ARFGEF3: variants seen among roughly 807,000 people sequenced by gnomAD.
The protein encoded by ARFGEF3 is ARFGEF family member 3, also known as brefeldin A-inhibited guanine nucleotide-exchange protein 3.
A neutral mutation model predicts 221.7 loss-of-function variants in ARFGEF3; 96 were observed. That is an observed-to-expected ratio of 0.43 (90% confidence interval 0.37 to 0.51). The LOEUF (loss-of-function observed/expected upper bound fraction) is 0.51. Among genes scored for constraint, ARFGEF3 ranks in the 20% least tolerant of loss-of-function variants. The pLI is 0.00. For synonymous variants in ARFGEF3, 1,145 were observed against 1,126.8 expected (o/e 1.02, Z -0.32); for missense variants, 2,410 against 2,789.9 (o/e 0.86, Z 3.07).
Position 138,255,488 on chromosome 6 carries a change from A to G in ARFGEF3, c.823A>G (p.Lys275Glu). The stretch of plus-strand genomic sequence containing the variant: ...GATCTTGGGGAATCCAATTCATGAC[A>G]AAACCATCACCTCTGCTCACACCAG... ...IVILGNPIHDKTITSAHTSST... is the reference protein window; with the variant it reads ...IVILGNPIHDETITSAHTSST... The change falls in exon 10 of 34, where the codon AAA (lysine) becomes GAA (glutamate). Residue 275 changes from lysine to glutamate, a missense_variant. By Grantham distance (56) the Lys-to-Glu change is moderately conservative. Coordinates refer to ENST00000251691, the MANE Select transcript of ARFGEF3 (RefSeq NM_020340.5). 1 of 1,612,984 alleles carries G rather than the reference A, an allele frequency of 6.2e-7. No individual in the cohort carries two copies. The highest frequency in any genetic ancestry group is 8.5e-7 in the Non-Finnish European group (1 of 1,179,010).
intron 4 of ARFGEF3, among the ~76,000 whole-genome samples, chr6:138,212,864 C>T (rs137871370): frequency 2.0e-4 from 31 of 152,106 alleles, no homozygotes; most frequent in African/African-American, 7.5e-4. Context: ...CATCACACAC[C>T]AGGGCCTGTT....
chr6:138,260,612 T>C (rs988601880), intron 10 of ARFGEF3, among the ~76,000 whole-genome samples: 2 of 151,720 alleles, frequency 1.3e-5, no homozygotes, highest in Non-Finnish European at 2.9e-5. Context: ...CCAGCTTAGT[T>C]AGAAAAAAAG....
At chr6:138,208,623 A>G (rs138255244) in intron 3 of ARFGEF3, among the ~76,000 whole-genome samples, 2 of 152,324 alleles carry the variant, frequency 1.3e-5, no homozygotes, top group East Asian at 3.9e-4. Flanking sequence ...AATTGCACCA[A>G]GACAGCATGG....
At chr6:138,218,122 C>A (rs756876603) in intron 4 of ARFGEF3, 5 of 1,613,910 alleles carry the variant, frequency 3.1e-6, no homozygotes, top group Admixed American at 1.7e-5. Context: ...ATTGAGGAAC[C>A]TTTCATGGTC....
chr6:138,233,440 A>T (rs968963927), intron 5 of ARFGEF3, among the ~76,000 whole-genome samples: 1 of 152,104 alleles, frequency 6.6e-6, no homozygotes, highest in East Asian at 1.9e-4. Context: ...GCAGTGGCAC[A>T]ATCTCAGCTC....
chr6:138,275,557 A>G (rs922014197), intron 12 of ARFGEF3, among the ~76,000 whole-genome samples: 4 of 152,098 alleles, frequency 2.6e-5, no homozygotes, highest in South Asian at 2.1e-4. Flanking sequence ...CAGCCTGGCC[A>G]ACATGGTGAA....
intron 29 of ARFGEF3, 56 bp from the exon 30 acceptor site, chr6:138,323,615 A>T: frequency 1.3e-6 from 2 of 1,558,412 alleles, no homozygotes; most frequent in Non-Finnish European, 1.8e-6. Context: ...CCATCTGAAA[A>T]AAACAAACAA....
chr6:138,334,760 C>T lies in ARFGEF3; in HGVS notation c.5914C>T (p.His1972Tyr). The change falls in exon 33 of 34, where the codon CAC (histidine) becomes TAC (tyrosine). Residue 1972 changes from histidine to tyrosine, a missense_variant. Coordinates refer to ENST00000251691, the MANE Select transcript of ARFGEF3 (RefSeq NM_020340.5). This position sits in a 1 kb window ranked among gnomAD's most constrained non-coding sequence, Gnocchi z 5.1. The part of the protein sequence containing the change: ...SEDDRSQSRE[H>Y]MGESLSLKAG... ...GGATGACAGAAGCCAGTCCCGGGAG[C>T]ACATGGGCGAGTCCCTGAGCCTGAA... The T allele has an allele frequency of 1.9e-6, 3 of 1,610,690 alleles. No homozygotes were observed. Among genetic ancestry groups the T allele is most frequent in the Non-Finnish European group, 2.5e-6 (3 of 1,178,198 alleles).
chr6:138,334,616 A>T lies in ARFGEF3; in HGVS notation c.5770A>T (p.Asn1924Tyr). 6.2e-7 allele frequency: 1 copy of T among 1,613,524 alleles called. No homozygotes were observed. The highest frequency in any genetic ancestry group is 8.5e-7 in the Non-Finnish European group (1 of 1,179,862). The change falls in exon 33 of 34, where the codon AAC becomes TAC. Residue 1924 changes from asparagine to tyrosine, a missense_variant. Physicochemically the swap from Asn to Tyr is moderately radical, Grantham distance 143. This residue lies in a region of ARFGEF3 where 339 missense variants were observed against 334.9 expected (regional missense o/e 1.01). Transcript: ENST00000251691. The surrounding 1 kb of genome is among the most constrained non-coding windows in gnomAD (Gnocchi z 5.1). ...CATCCAGATGCACTTGGACCTGGAG[A>T]ACTGTATGGAGGAGCCTCCCATCTT... Reference protein sequence around the residue: ...NYIQMHLDLENCMEEPPIFKG... With the variant: ...NYIQMHLDLEYCMEEPPIFKG...
intron 8 of ARFGEF3, among the ~76,000 whole-genome samples, chr6:138,246,141 T>G (rs768491717): frequency 6.6e-6 from 1 of 152,242 alleles, no homozygotes; most frequent in Non-Finnish European, 1.5e-5. Context: ...TTCACTTAGG[T>G]GATGCCTGCT....
At chr6:138,282,932 T>A (rs371813836) in intron 14 of ARFGEF3, among the ~76,000 whole-genome samples, 1 of 152,036 alleles carries the variant, frequency 6.6e-6, no homozygotes, top group African/African-American at 2.4e-5. Flanking sequence ...GCACTTGTAG[T>A]CCCAGCTACT....
chr6:138,245,245 T>C (rs1423182695), intron 7 of ARFGEF3, among the ~76,000 whole-genome samples: 1 of 152,166 alleles, frequency 6.6e-6, no homozygotes, highest in Non-Finnish European at 1.5e-5. Context: ...GAGGTTGCAG[T>C]GAGCCAAGAT....
chr6:138,245,670 A>C (rs753928260), intron 8 of ARFGEF3, 79 bp downstream of exon 8: 17 of 1,037,718 alleles, frequency 1.6e-5, no homozygotes, highest in Non-Finnish European at 2.4e-5. Context: ...CATCACTTCA[A>C]ATTATGGATT....
rs183450638 is a variant in ARFGEF3, at chr6:138,317,183, T to C, written c.4346-68T>C. 27 of 1,559,852 alleles carry C rather than the reference T, an allele frequency of 1.7e-5. No individual in the cohort carries two copies. The African/African-American group carries it at 3.4e-4, about 20-fold the overall frequency. ...TTGGCAGTTTACATACAATGTTTAA[T>C]TGGATCTTGAGATGATTATTCATTG... On this transcript the variant is annotated intron_variant, in intron 26 of 33. Transcript: ENST00000251691.
At chr6:138,180,255 C>G (rs2114447140) in intron 2 of ARFGEF3, among the ~76,000 whole-genome samples, 1 of 152,306 alleles carries the variant, frequency 6.6e-6, no homozygotes, top group Non-Finnish European at 1.5e-5. Flanking sequence ...TTTTTCCTGC[C>G]TTTCTTACGT....
chr6:138,199,175 T>A (rs1777487894), intron 2 of ARFGEF3, among the ~76,000 whole-genome samples: 1 of 152,202 alleles, frequency 6.6e-6, no homozygotes, highest in South Asian at 2.1e-4. Flanking sequence ...TCTCTCTTAG[T>A]TTCAGTTTGG....
intron 6 of ARFGEF3, 101 bp downstream of exon 6, chr6:138,238,732 A>G: frequency 3.7e-6 from 4 of 1,088,258 alleles, no homozygotes; most frequent in South Asian, 1.5e-5. Flanking sequence ...TCCTGAAAAC[A>G]GTAGGAAGAG....
chr6:138,278,586 G>A lies in ARFGEF3; in HGVS notation c.2264G>A (p.Arg755Lys). The A allele has an allele frequency of 6.2e-7, 1 of 1,613,976 alleles. No homozygotes were observed. Among genetic ancestry groups the A allele is most frequent in the Non-Finnish European group, 8.5e-7 (1 of 1,179,892 alleles). The stretch of plus-strand genomic sequence containing the variant: ...AAGCTCTCCCACGGTGACTACTACA[G>A]GAAGCGGCCGACCCTGGCGCCAGGC... ...NLKLSHGDYYRKRPTLAPGVM... is the reference protein window; with the variant it reads ...NLKLSHGDYYKKRPTLAPGVM... The change falls in exon 13 of 34, where the codon AGG (arginine) becomes AAG (lysine). Residue 755 changes from arginine (R) to lysine (K), a missense_variant. Coordinates refer to ENST00000251691, the MANE Select transcript of ARFGEF3 (RefSeq NM_020340.5).
chr6:138,330,929 A>G (rs1780216580), intron 32 of ARFGEF3, among the ~76,000 whole-genome samples: 1 of 152,202 alleles, frequency 6.6e-6, no homozygotes, highest in African/African-American at 2.4e-5. Flanking sequence ...AGTGTTGGCC[A>G]TTTTTAATCT....
Sources: allele counts gnomAD v4.1 joint callset (sites outside exome capture counted in the v4.1 genomes callset), GRCh38; gene constraint gnomAD v4.1.1; regional missense constraint gnomAD v4.1.1; non-coding constraint Gnocchi (gnomAD v3.1); transcripts MANE v1.5; gene names NCBI Gene and HGNC (gene_info 2026-07-23, HGNC 2026-07-21).